TNFRSF21: variants seen among roughly 807,000 people sequenced by gnomAD.
The protein encoded by TNFRSF21 is tumor necrosis factor receptor superfamily member 21.
In TNFRSF21, 19 loss-of-function variants were observed where a neutral mutation model predicts 45.6. That is an observed-to-expected ratio of 0.42 (90% CI 0.29 to 0.61). TNFRSF21 has a LOEUF of 0.61. Among genes scored for constraint, TNFRSF21 ranks in the 20% least tolerant of loss-of-function variants. The pLI is 0.23. For missense variants in TNFRSF21, 737 were observed against 851.5 expected, an observed-to-expected ratio of 0.87 and a Z score of 1.67; for synonymous variants, 314 against 335.5, an observed-to-expected ratio of 0.94 and a Z score of 0.70.
intron 3 of TNFRSF21, among the ~76,000 whole-genome samples, chr6:47,255,885 G>A (rs1429613180): frequency 6.6e-6 from 1 of 152,006 alleles, no homozygotes; most frequent in Non-Finnish European, 1.5e-5. Context: ...TCCCAAGTGA[G>A]GCTTAGGAGA....
At chr6:47,275,029 A>T (rs1561946488) in intron 3 of TNFRSF21, among the ~76,000 whole-genome samples, 1 of 152,182 alleles carries the variant, frequency 6.6e-6, no homozygotes. Flanking sequence ...GAATGCTTTT[A>T]TGTTCCTATA....
chr6:47,276,466 T>A (rs943528612), intron 3 of TNFRSF21, among the ~76,000 whole-genome samples: 1 of 152,184 alleles, frequency 6.6e-6, no homozygotes, highest in Non-Finnish European at 1.5e-5. Context: ...ATCAAACTGT[T>A]TATCCAAGCT....
intron 3 of TNFRSF21, among the ~76,000 whole-genome samples, chr6:47,281,829 A>C (rs539529761): frequency 1.1e-4 from 17 of 149,170 alleles, no homozygotes; most frequent in African/African-American, 4.1e-4. Context: ...ACAAATAAAA[A>C]GATTTTTTTT....
intron 3 of TNFRSF21, among the ~76,000 whole-genome samples, chr6:47,259,733 T>C (rs536774842): frequency 3.2e-4 from 49 of 152,294 alleles, no homozygotes; most frequent in Non-Finnish European, 5.4e-4. Flanking sequence ...ATGAAGTTTC[T>C]GAGGAGGTCA....
At chr6:47,240,834 T>C (rs1310930631) in intron 4 of TNFRSF21, among the ~76,000 whole-genome samples, 1 of 152,198 alleles carries the variant, frequency 6.6e-6, no homozygotes, top group Non-Finnish European at 1.5e-5. Context: ...TTGTTTTCTA[T>C]TGAAAATATT....
chr6:47,248,354 G>C (rs1369554991), intron 4 of TNFRSF21, among the ~76,000 whole-genome samples: 3 of 152,142 alleles, frequency 2.0e-5, no homozygotes, highest in Admixed American at 6.5e-5. Context: ...CTCAGAGTTA[G>C]AGAAATTGTT....
At chr6:47,277,356 C>G (rs1005792931) in intron 3 of TNFRSF21, among the ~76,000 whole-genome samples, 2 of 152,160 alleles carry the variant, frequency 1.3e-5, no homozygotes, top group Non-Finnish European at 2.9e-5. Flanking sequence ...GTGACTTAAT[C>G]GGGAAACAAA....
chr6:47,271,553 C>T (rs150293746), intron 3 of TNFRSF21, among the ~76,000 whole-genome samples: 64 of 152,264 alleles, frequency 4.2e-4, no homozygotes, highest in African/African-American at 1.5e-3. Context: ...TCAGCCACTG[C>T]AAAAACATGC....
chr6:47,290,919 G>A (rs1404794861), intron 1 of TNFRSF21, among the ~76,000 whole-genome samples: 1 of 152,172 alleles, frequency 6.6e-6, no homozygotes, highest in Non-Finnish European at 1.5e-5. Context: ...CCCTTATGAA[G>A]TTTACATTCT....
At chr6:47,265,505 C>T (rs79398426) in intron 3 of TNFRSF21, among the ~76,000 whole-genome samples, 23 of 152,200 alleles carry the variant, frequency 1.5e-4, no homozygotes, top group Non-Finnish European at 3.1e-4. Context: ...CAGATCAGTG[C>T]CTGACTTTAA....
At chr6:47,305,605 G>A (rs567399235) in intron 1 of TNFRSF21, among the ~76,000 whole-genome samples, 3 of 152,166 alleles carry the variant, frequency 2.0e-5, no homozygotes, top group East Asian at 1.9e-4. Context: ...ACGAGGTAAT[G>A]TACTTTGATA....
chr6:47,253,552 A>G, intron 3 of TNFRSF21, 31 bp from the exon 4 acceptor site: 1 of 1,597,166 alleles, frequency 6.3e-7, no homozygotes, highest in Non-Finnish European at 8.5e-7. Flanking sequence ...AAAACAAATG[A>G]GGGCTTGTAA....
intron 1 of TNFRSF21, among the ~76,000 whole-genome samples, chr6:47,300,560 C>G (rs1397274893): frequency 2.6e-5 from 4 of 152,176 alleles, no homozygotes; most frequent in Admixed American, 2.6e-4. Flanking sequence ...CTGCTTCCCA[C>G]TGCACTCTGA....
At chr6:47,273,353 G>A (rs561800655) in intron 3 of TNFRSF21, among the ~76,000 whole-genome samples, 112 of 152,266 alleles carry the variant, frequency 7.4e-4, no homozygotes, top group Non-Finnish European at 1.4e-3. Context: ...TGCAAGGCTG[G>A]TTCAACATAT....
rs935181871 is a variant in TNFRSF21, at chr6:47,270,206, G to A, written c.1243+13732C>T. ...CTCCTCAAGTGGGTCCCTGACCCCCGTATAGCCTAACTGGGACTCACCTCC... is the reference window on the plus strand; with the variant it reads ...CTCCTCAAGTGGGTCCCTGACCCCCATATAGCCTAACTGGGACTCACCTCC... On this transcript the variant is annotated intron_variant, in intron 3 of 5. Coordinates refer to ENST00000296861, the MANE Select transcript of TNFRSF21 (RefSeq NM_014452.5). Among the ~76,000 whole-genome samples the A allele has an allele frequency of 5.3e-5, 8 of 152,104 alleles. No homozygotes were observed. In the East Asian group the frequency reaches 9.6e-4, roughly 18 times the overall value.
In TNFRSF21 at chr6:47,244,795, C is replaced by T. The variant is rs143763542; in HGVS notation, c.1509+8461G>A. On this transcript the variant is annotated intron_variant, in intron 4 of 5. Coordinates refer to ENST00000296861, the MANE Select transcript of TNFRSF21 (RefSeq NM_014452.5). Reference sequence around the variant, plus strand: ...GGTGAAAAATAAGTGATGAAAACCTCGAAATTAACTGATATAAAATAAAAC... The same window carrying T: ...GGTGAAAAATAAGTGATGAAAACCTTGAAATTAACTGATATAAAATAAAAC... 4.7e-3 allele frequency among the ~76,000 whole-genome samples: 720 copies of T among 152,222 alleles called. 4 individuals are homozygous for T. Among genetic ancestry groups the T allele is most frequent in the South Asian group, 0.022 (104 of 4,812 alleles).
At chr6:47,305,645 C>T (rs1310650600) in intron 1 of TNFRSF21, among the ~76,000 whole-genome samples, 4 of 152,162 alleles carry the variant, frequency 2.6e-5, no homozygotes, top group Admixed American at 6.5e-5. Flanking sequence ...CACTAAGCTA[C>T]ATGTCTAGTT....
intron 3 of TNFRSF21, among the ~76,000 whole-genome samples, chr6:47,264,487 C>T (rs1762300418): frequency 6.6e-6 from 1 of 152,010 alleles, no homozygotes; most frequent in African/African-American, 2.4e-5. Flanking sequence ...TGCACTCCAG[C>T]CTGGGCGACA....
At chr6:47,255,314 T>C (rs1764969550) in intron 3 of TNFRSF21, among the ~76,000 whole-genome samples, 1 of 152,210 alleles carries the variant, frequency 6.6e-6, no homozygotes, top group South Asian at 2.1e-4. Context: ...TTGGTGTCTC[T>C]CTGTTTATGG....
Sources: allele counts gnomAD v4.1 joint callset (sites outside exome capture counted in the v4.1 genomes callset), GRCh38; gene constraint gnomAD v4.1.1; transcripts MANE v1.5; gene names NCBI Gene and HGNC (gene_info 2026-07-23, HGNC 2026-07-21).